The following STK4 variants were observed in gnomAD, a reference collection of about 807,000 sequenced individuals.
The protein encoded by STK4 is serine/threonine-protein kinase 4.
STK4 carries 30 observed loss-of-function variants against 64.9 expected under a neutral mutation model. That is an observed-to-expected ratio of 0.46 (90% confidence interval 0.35 to 0.63). The LOEUF (loss-of-function observed/expected upper bound fraction) is 0.63, where lower values mean the gene tolerates loss of function less well. Ranked by LOEUF, STK4 falls within the 20% of genes least tolerant of loss-of-function variation. The probability of loss-of-function intolerance (pLI) is 0.01; values close to 1 mark genes in which losing one functional copy is unlikely to be tolerated. For synonymous variants in STK4, 177 were observed against 199.0 expected (o/e 0.89, Z 0.93); for missense variants, 466 against 598.5 (o/e 0.78, Z 2.31).
intron 9 of STK4, among the ~76,000 whole-genome samples, chr20:45,004,688 C>T (rs1016597851): frequency 7.9e-5 from 12 of 151,042 alleles, no homozygotes; most frequent in South Asian, 2.1e-4. Flanking sequence ...AATTAGATTC[C>T]GTTTGTCAAT....
In STK4 at chr20:45,024,872, C is replaced by T. The variant is rs1028862726; in HGVS notation, c.1148-101C>T. The T allele has an allele frequency of 6.8e-6, 8 of 1,175,074 alleles. No homozygotes were observed. The South Asian group carries it at 1.9e-4, about 28-fold the overall frequency. The allele number at this position is 1,175,074 out of a possible 1,614,324, so 72.8% of individuals were successfully genotyped here. Reference sequence around the variant, plus strand: ...GTCCTTTATCTAACAGAAATATCCACTGATCCAGAGATTGTAGCCCATCTG... The same window carrying T: ...GTCCTTTATCTAACAGAAATATCCATTGATCCAGAGATTGTAGCCCATCTG... On this transcript the variant is annotated intron_variant, in intron 9 of 10. Coordinates refer to ENST00000372806, the MANE Select transcript of STK4 (RefSeq NM_006282.5).
At chr20:45,039,794 A>G (rs1261777757) in intron 10 of STK4, among the ~76,000 whole-genome samples, 1 of 152,182 alleles carries the variant, frequency 6.6e-6, no homozygotes, top group Non-Finnish European at 1.5e-5. Flanking sequence ...ACTGTAAAGA[A>G]TGCAATAACT....
rs1980536961 is a variant in STK4 at position 45,076,621 on chromosome 20, G to A, written c.*1445G>A. 6.6e-6 allele frequency: 1 copy of A among 152,276 alleles called. No homozygotes were observed. Among genetic ancestry groups the A allele is most frequent in the South Asian group, 2.1e-4 (1 of 4,830 alleles). The allele number at this position is 152,276 out of a possible 1,614,324, so 9.4% of individuals were successfully genotyped here. ...AACATCTACCAGATATAGCAGACAA[G>A]CACCCATGGAGGCAGGTTTCGGGCC... On this transcript the variant is annotated 3_prime_UTR_variant, in exon 11 of 11. Transcript: ENST00000372806. This position sits in a 1 kb window ranked among gnomAD's most constrained non-coding sequence, Gnocchi z 4.0.
chr20:44,995,216 G>A lies in STK4; in HGVS notation c.652G>A (p.Ala218Thr). The A allele has an allele frequency of 6.2e-7, 1 of 1,613,644 alleles. No individual in the cohort carries two copies. The highest frequency in any genetic ancestry group is 8.5e-7 in the Non-Finnish European group (1 of 1,179,776). ...CCTGGGAATAACTGCCATAGAAATGGCTGAAGGAAAGCCCCCTTATGCTGA... is the reference window on the plus strand; with the variant it reads ...CCTGGGAATAACTGCCATAGAAATGACTGAAGGAAAGCCCCCTTATGCTGA... ...WSLGITAIEM[A>T]EGKPPYADIH... is the part of the protein sequence containing the mutation. Residue 218 changes from alanine (A) to threonine (T), a missense_variant, in exon 6 of 11, where the codon GCT becomes ACT. Transcript: ENST00000372806.
At chr20:45,057,983 C>T (rs1033258110) in intron 10 of STK4, among the ~76,000 whole-genome samples, 3 of 151,336 alleles carry the variant, frequency 2.0e-5, no homozygotes, top group Non-Finnish European at 4.4e-5. Context: ...TTAAACAAAC[C>T]TATCTTTTTT....
intron 7 of STK4, among the ~76,000 whole-genome samples, chr20:44,999,795 T>G (rs1223332388): frequency 6.6e-6 from 1 of 152,226 alleles, no homozygotes; most frequent in Non-Finnish European, 1.5e-5. Context: ...TTGGAAATGC[T>G]ACCATAGAAA....
At chr20:44,984,186 G>GTTTTTTTTTTTTTTTTTT (rs11397664) in intron 4 of STK4, among the ~76,000 whole-genome samples, 1 of 76,054 alleles carries the variant, frequency 1.3e-5, no homozygotes, top group Non-Finnish European at 2.3e-5. Flanking sequence ...TGTTGTCGTT[G>GTTTTTTTTTTTTTTTTTT]TTTTTTTTTT....
chr20:45,006,148 T>C (rs938238409), intron 9 of STK4, among the ~76,000 whole-genome samples: 2 of 151,754 alleles, frequency 1.3e-5, no homozygotes, highest in Non-Finnish European at 2.9e-5. Context: ...CCCAGGACTT[T>C]ATTCAGTTTT....
rs73298594 is a variant in STK4 at position 44,993,665 on chromosome 20, T to C, written c.526-1425T>C. ...AGTGATGATGATCGGAAGTCCTTTT[T>C]CGTATTTAGTTCTGTTTAAAAATTC... is the stretch of plus-strand genomic sequence containing the variant. On this transcript the variant is annotated intron_variant, in intron 5 of 10. Coordinates refer to ENST00000372806, the MANE Select transcript of STK4 (RefSeq NM_006282.5). Among the ~76,000 whole-genome samples, 819 of 152,324 alleles carry C rather than the reference T, an allele frequency of 5.4e-3. 7 individuals carry two copies. The highest frequency in any genetic ancestry group is 0.019 in the African/African-American group (790 of 41,570).
At chr20:45,058,379 C>T (rs940876951) in intron 10 of STK4, among the ~76,000 whole-genome samples, 4 of 152,170 alleles carry the variant, frequency 2.6e-5, no homozygotes. Flanking sequence ...CTTTTCCACG[C>T]TAAGAAATCC....
intron 10 of STK4, among the ~76,000 whole-genome samples, chr20:45,040,882 A>G (rs537987597): frequency 6.6e-6 from 1 of 152,200 alleles, no homozygotes; most frequent in African/African-American, 2.4e-5. Context: ...CCCATGCCAA[A>G]TATCTTCCCA....
chr20:45,005,634 C>T lies in STK4; in HGVS notation c.1147+4281C>T, dbSNP rs1380167377. ...CTGCACTCCAGCCTGGGCAACAGAGCGAGACTCTGTCTCAAAAAAAAAAAA... is the reference window on the plus strand; with the variant it reads ...CTGCACTCCAGCCTGGGCAACAGAGTGAGACTCTGTCTCAAAAAAAAAAAA... On this transcript the variant is annotated intron_variant, in intron 9 of 10. Coordinates refer to ENST00000372806, the MANE Select transcript of STK4 (RefSeq NM_006282.5). Among the ~76,000 whole-genome samples, 22 of 127,550 alleles carry T rather than the reference C, an allele frequency of 1.7e-4. No individual in the cohort carries two copies. The East Asian group carries it at 5.1e-3, about 29-fold the overall frequency. The allele number at this position is 127,550 out of a possible 152,430, so 83.7% of individuals were successfully genotyped here. A position where few individuals can be genotyped will look rare whatever the true frequency, so the allele number is the denominator to read the frequency against.
chr20:44,978,658 C>T, intron 3 of STK4, 87 bp downstream of exon 3: 7 of 1,387,932 alleles, frequency 5.0e-6, no homozygotes, highest in Non-Finnish European at 6.7e-6. Flanking sequence ...GACACATTTA[C>T]TTAGATATTT....
intron 10 of STK4, among the ~76,000 whole-genome samples, chr20:45,052,280 C>T (rs941092435): frequency 6.6e-6 from 1 of 152,012 alleles, no homozygotes. Context: ...CTCTTCCACC[C>T]CCCCCAGCAA....
At chr20:44,968,782 T>A (rs1274374303) in intron 1 of STK4, among the ~76,000 whole-genome samples, 1 of 152,204 alleles carries the variant, frequency 6.6e-6, no homozygotes, top group East Asian at 1.9e-4. Context: ...CAGGACTGGG[T>A]TCTGAAGTGG....
chr20:45,052,121 A>C (rs1167844903), intron 10 of STK4, among the ~76,000 whole-genome samples: 1 of 152,180 alleles, frequency 6.6e-6, no homozygotes, highest in Non-Finnish European at 1.5e-5. Flanking sequence ...GCACTTAATA[A>C]ATGTTATTAT....
At chr20:45,055,902 T>A (rs1441158259) in intron 10 of STK4, among the ~76,000 whole-genome samples, 1 of 152,028 alleles carries the variant, frequency 6.6e-6, no homozygotes, top group Admixed American at 6.5e-5. Flanking sequence ...CTGGCTAATT[T>A]TTGTATTTTT....
intron 2 of STK4, among the ~76,000 whole-genome samples, chr20:44,977,515 G>C (rs763406795): frequency 6.6e-6 from 1 of 152,026 alleles, no homozygotes; most frequent in Non-Finnish European, 1.5e-5. Context: ...AGTGATGATG[G>C]TATCTCATTT....
At chr20:44,986,565 A>C (rs1288968785) in intron 4 of STK4, among the ~76,000 whole-genome samples, 1 of 152,234 alleles carries the variant, frequency 6.6e-6, no homozygotes, top group African/African-American at 2.4e-5. Flanking sequence ...TCTGGCTTAC[A>C]TTTTAATTAT....
Sources: allele counts gnomAD v4.1 joint callset (sites outside exome capture counted in the v4.1 genomes callset), GRCh38; gene constraint gnomAD v4.1.1; non-coding constraint Gnocchi (gnomAD v3.1); transcripts MANE v1.5; gene names NCBI Gene and HGNC (gene_info 2026-07-23, HGNC 2026-07-21).